The following MARK3 variants were observed in gnomAD, a reference collection of about 807,000 sequenced individuals.
MARK3 encodes microtubule affinity regulating kinase 3.
A neutral mutation model predicts 90.1 loss-of-function variants in MARK3; 46 were observed. That is an observed-to-expected ratio of 0.51 (90% CI 0.40 to 0.65). The LOEUF (loss-of-function observed/expected upper bound fraction) is 0.65, where lower values mean the gene tolerates loss of function less well. MARK3 is among the 30% of genes least tolerant of loss of function. The pLI is 0.00. For missense variants in MARK3, 818 were observed against 947.2 expected (o/e 0.86, Z 1.79); for synonymous variants, 321 against 332.6 (o/e 0.97, Z 0.38).
At chr14:103,480,716 G>T (rs1421365802) in intron 14 of MARK3, among the ~76,000 whole-genome samples, 1 of 152,164 alleles carries the variant, frequency 6.6e-6, no homozygotes, top group Non-Finnish European at 1.5e-5. Context: ...TGATTAAAAG[G>T]CTTGAGTTAA....
At chr14:103,415,282 G>A (rs941247873) in intron 2 of MARK3, among the ~76,000 whole-genome samples, 5 of 150,926 alleles carry the variant, frequency 3.3e-5, no homozygotes, top group Admixed American at 2.0e-4. Context: ...ACACTCTGAA[G>A]ACCATTTTAA....
At chr14:103,475,718 G>A (rs1262420786) in intron 13 of MARK3, among the ~76,000 whole-genome samples, 1 of 152,148 alleles carries the variant, frequency 6.6e-6, no homozygotes, top group Non-Finnish European at 1.5e-5. Context: ...AGGCCGAGGT[G>A]GGTAGATCAC....
At chr14:103,485,276 T>TTA (rs1337132284) in intron 14 of MARK3, among the ~76,000 whole-genome samples, 1 of 144,932 alleles carries the variant, frequency 6.9e-6, no homozygotes, top group African/African-American at 2.6e-5. Flanking sequence ...TTTTTTTTTT[T>TTA]AAGATGGATG....
intron 14 of MARK3, among the ~76,000 whole-genome samples, chr14:103,487,138 A>G (rs1024924275): frequency 6.7e-6 from 1 of 150,360 alleles, no homozygotes; most frequent in African/African-American, 2.4e-5. Context: ...GCTGGTCTGG[A>G]ACTCCTGGCC....
chr14:103,397,663 A>G (rs911029320), intron 1 of MARK3, among the ~76,000 whole-genome samples: 8 of 152,104 alleles, frequency 5.3e-5, no homozygotes, highest in African/African-American at 1.4e-4. Flanking sequence ...GTGCCTTACA[A>G]GTTTTTTATT....
intron 12 of MARK3, among the ~76,000 whole-genome samples, chr14:103,469,946 A>G (rs1049386256): frequency 1.3e-5 from 2 of 151,750 alleles, no homozygotes; most frequent in African/African-American, 2.4e-5. Flanking sequence ...CTGTAATTCC[A>G]GCTACTCAGG....
At chr14:103,389,261 G>A (rs973303200) in intron 1 of MARK3, among the ~76,000 whole-genome samples, 9 of 151,802 alleles carry the variant, frequency 5.9e-5, no homozygotes, top group African/African-American at 2.2e-4. Flanking sequence ...CTACTCGGGA[G>A]GCTGAGGCAG....
intron 12 of MARK3, among the ~76,000 whole-genome samples, chr14:103,472,727 G>A (rs962627679): frequency 6.6e-6 from 1 of 151,126 alleles, no homozygotes. Context: ...AAAGGAACAG[G>A]CTGGGCGCGG....
At chr14:103,413,035 C>T (rs575743143) in intron 2 of MARK3, among the ~76,000 whole-genome samples, 25 of 151,766 alleles carry the variant, frequency 1.6e-4, no homozygotes, top group African/African-American at 5.6e-4. Context: ...CCACCATGCC[C>T]GGCTAATTTT....
At chr14:103,422,452 T>A (rs1275998597) in intron 2 of MARK3, among the ~76,000 whole-genome samples, 1 of 152,092 alleles carries the variant, frequency 6.6e-6, no homozygotes. Context: ...AAGACTCCAT[T>A]TCAAAAACAA....
At chr14:103,473,364 C>G (rs902396167) in intron 12 of MARK3, among the ~76,000 whole-genome samples, 3 of 152,140 alleles carry the variant, frequency 2.0e-5, no homozygotes, top group African/African-American at 7.2e-5. Context: ...GAAATCTGAA[C>G]GAGGTCAGTG....
chr14:103,405,039 C>T (rs1382015836), intron 1 of MARK3, 37 bp from the exon 2 acceptor site: 11 of 1,558,084 alleles, frequency 7.1e-6, no homozygotes, highest in Non-Finnish European at 9.6e-6. Context: ...ACTCTGTGTT[C>T]TCTCATTTCC....
At chr14:103,425,249 A>ATTATTTATTTATTTATTTAT (rs71460674) in intron 2 of MARK3, among the ~76,000 whole-genome samples, 1 of 146,630 alleles carries the variant, frequency 6.8e-6, no homozygotes, top group African/African-American at 2.5e-5. Flanking sequence ...CTATTTATTT[A>ATTATTTATTTATTTATTTAT]TTATTTATTT....
chr14:103,482,685 G>A (rs72708897), intron 14 of MARK3, among the ~76,000 whole-genome samples: 51 of 152,176 alleles, frequency 3.4e-4, no homozygotes, highest in Middle Eastern at 3.4e-3. Flanking sequence ...TGTGCTACAC[G>A]TATCATACAC....
chr14:103,470,480 A>AGTT (rs1341668864), intron 12 of MARK3, among the ~76,000 whole-genome samples: 2 of 3,456 alleles, frequency 5.8e-4, no homozygotes, highest in Non-Finnish European at 2.1e-3. Context: ...TTTGAGATGG[A>AGTT]GTTTCACTCT....
At chr14:103,490,902 G>A in intron 14 of MARK3, 2 of 1,196,550 alleles carry the variant, frequency 1.7e-6, no homozygotes, top group Non-Finnish European at 1.1e-6. Flanking sequence ...TGTGGTCACT[G>A]CTCCTTCATA....
At chr14:103,394,981 C>T (rs546268295) in intron 1 of MARK3, among the ~76,000 whole-genome samples, 37 of 152,230 alleles carry the variant, frequency 2.4e-4, no homozygotes, top group Non-Finnish European at 4.3e-4. Flanking sequence ...CGGGGTTTCA[C>T]CATGGCCAGG....
intron 1 of MARK3, among the ~76,000 whole-genome samples, chr14:103,403,108 A>G (rs532760383): frequency 2.3e-4 from 32 of 141,494 alleles, no homozygotes; most frequent in Non-Finnish European, 3.2e-4. Context: ...AATTAGTATG[A>G]TCAGCTTTCA....
intron 2 of MARK3, among the ~76,000 whole-genome samples, chr14:103,406,230 G>C (rs954930353): frequency 6.6e-6 from 1 of 150,394 alleles, no homozygotes; most frequent in Non-Finnish European, 1.5e-5. Context: ...GGTTAGGGGG[G>C]TGTCGGGGGT....
Sources: gnomAD v4.1 joint callset for allele counts (sites outside exome capture counted in the v4.1 genomes callset) on GRCh38, gnomAD v4.1.1 for gene constraint, MANE v1.5 for transcripts, NCBI Gene and HGNC (gene_info 2026-07-23, HGNC 2026-07-21) for gene names.